Variants in ZNF644 observed in about 807,000 individuals in gnomAD.
ZNF644 encodes the protein zinc finger motif enhancer binding protein 2.
ZNF644 carries 20 observed loss-of-function variants against 108.0 expected under a neutral mutation model. That is an observed-to-expected ratio of 0.19 (90% CI 0.13 to 0.27). The LOEUF (loss-of-function observed/expected upper bound fraction) is 0.27, where lower values mean the gene tolerates loss of function less well. Ranked by LOEUF, ZNF644 falls within the 10% of genes least tolerant of loss-of-function variation. ZNF644 has a pLI of 1.00. For missense variants in ZNF644, 1,338 were observed against 1,548.9 expected (o/e 0.86, Z 2.29); for synonymous variants, 542 against 539.1 (o/e 1.01, Z -0.08).
intron 1 of ZNF644, among the ~76,000 whole-genome samples, chr1:91,008,163 A>G (rs983115452): frequency 1.1e-4 from 16 of 152,210 alleles, no homozygotes; most frequent in Non-Finnish European, 4.4e-5. Flanking sequence ...GTTTTCCAGT[A>G]TGATGCCCTT....
At chr1:91,006,174 G>GA (rs1209200176) in intron 1 of ZNF644, among the ~76,000 whole-genome samples, 1 of 152,140 alleles carries the variant, frequency 6.6e-6, no homozygotes, top group African/African-American at 2.4e-5. Flanking sequence ...CCAAACTGTT[G>GA]AAACTGACTA....
At chr1:90,944,247 T>C (rs2100994939) in intron 2 of ZNF644, among the ~76,000 whole-genome samples, 1 of 152,306 alleles carries the variant, frequency 6.6e-6, no homozygotes, top group African/African-American at 2.4e-5. Context: ...TGACAAACTA[T>C]GAGAACATCA....
chr1:90,974,632 G>A (rs556947330), intron 2 of ZNF644, among the ~76,000 whole-genome samples: 1 of 152,210 alleles, frequency 6.6e-6, no homozygotes, highest in African/African-American at 2.4e-5. Flanking sequence ...CTCTTTTGCT[G>A]TGTAAATCTC....
intron 2 of ZNF644, among the ~76,000 whole-genome samples, chr1:90,942,650 T>TC (rs1338867641): frequency 2.0e-5 from 3 of 152,200 alleles, no homozygotes; most frequent in Non-Finnish European, 4.4e-5. Context: ...ACAGTTTTGT[T>TC]CCTATGAAAT....
chr1:91,016,271 T>C (rs957366464), intron 1 of ZNF644, among the ~76,000 whole-genome samples: 2 of 148,044 alleles, frequency 1.4e-5, no homozygotes, highest in African/African-American at 5.3e-5. Flanking sequence ...AAGTACTAGT[T>C]TTACAGTCAT....
At chr1:90,932,748 T>C (rs1469211870) in intron 4 of ZNF644, among the ~76,000 whole-genome samples, 1 of 152,122 alleles carries the variant, frequency 6.6e-6, no homozygotes, top group Non-Finnish European at 1.5e-5. Context: ...AAGACATCTG[T>C]ATAGCTCTAC....
At chr1:90,934,046 T>C (rs913952972) in intron 4 of ZNF644, among the ~76,000 whole-genome samples, 2 of 152,350 alleles carry the variant, frequency 1.3e-5, no homozygotes, top group Admixed American at 1.3e-4. Flanking sequence ...CAATAATGAT[T>C]TCCTACTTGT....
intron 1 of ZNF644, among the ~76,000 whole-genome samples, chr1:90,994,647 A>C (rs1243924224): frequency 2.6e-5 from 4 of 152,240 alleles, no homozygotes. Flanking sequence ...AACAGAGTGC[A>C]TTCCCCAACT....
At chr1:90,950,545 T>C (rs1337133850) in intron 2 of ZNF644, among the ~76,000 whole-genome samples, 1 of 151,692 alleles carries the variant, frequency 6.6e-6, no homozygotes, top group African/African-American at 2.4e-5. Context: ...AGTATAGAGA[T>C]ATTCATGAAT....
intron 1 of ZNF644, among the ~76,000 whole-genome samples, chr1:91,006,442 C>T (rs1659426162): frequency 6.6e-6 from 1 of 152,104 alleles, no homozygotes; most frequent in Non-Finnish European, 1.5e-5. Flanking sequence ...GACCAGACTG[C>T]TTCCCTGGAA....
At chr1:91,015,414 A>G (rs1371568839) in intron 1 of ZNF644, among the ~76,000 whole-genome samples, 2 of 152,196 alleles carry the variant, frequency 1.3e-5, no homozygotes, top group African/African-American at 4.8e-5. Context: ...GCTACCTACC[A>G]GCCACTCCTC....
chr1:90,992,161 C>T (rs1657697720), intron 1 of ZNF644, among the ~76,000 whole-genome samples: 4 of 152,106 alleles, frequency 2.6e-5, no homozygotes, highest in Admixed American at 2.6e-4. Flanking sequence ...AGAATACCAA[C>T]AGGCATAAGG....
intron 4 of ZNF644, among the ~76,000 whole-genome samples, chr1:90,919,927 T>A (rs548649660): frequency 6.6e-6 from 1 of 152,092 alleles, no homozygotes; most frequent in Non-Finnish European, 1.5e-5. Context: ...TACTTCATTA[T>A]CCTAGATATA....
intron 4 of ZNF644, among the ~76,000 whole-genome samples, chr1:90,934,759 A>T (rs1168011545): frequency 1.3e-5 from 2 of 152,206 alleles, no homozygotes; most frequent in African/African-American, 4.8e-5. Context: ...TCGCTTGTCA[A>T]CACAAGCCAT....
intron 4 of ZNF644, among the ~76,000 whole-genome samples, chr1:90,930,579 T>C (rs972592857): frequency 1.3e-5 from 2 of 152,188 alleles, no homozygotes; most frequent in African/African-American, 2.4e-5. Flanking sequence ...CTTCAATCTA[T>C]GATAGTGACT....
At chr1:90,961,046 T>C (rs1210324446) in intron 2 of ZNF644, among the ~76,000 whole-genome samples, 2 of 151,718 alleles carry the variant, frequency 1.3e-5, no homozygotes, top group Non-Finnish European at 2.9e-5. Context: ...AAACAGAAAA[T>C]GGTCACAGAT....
chr1:90,921,442 C>T (rs1557541567), intron 4 of ZNF644, among the ~76,000 whole-genome samples: 1 of 152,152 alleles, frequency 6.6e-6, no homozygotes, highest in East Asian at 1.9e-4. Context: ...AACCCACACA[C>T]TCTTTTCTCT....
chr1:90,966,654 G>A (rs1164522727), intron 2 of ZNF644, among the ~76,000 whole-genome samples: 1 of 151,188 alleles, frequency 6.6e-6, no homozygotes, highest in Non-Finnish European at 1.5e-5. Context: ...GGAGGCTGAG[G>A]CAGGAGAATC....
At chr1:91,006,963 A>ATCG (rs1370537206) in intron 1 of ZNF644, among the ~76,000 whole-genome samples, 2 of 152,152 alleles carry the variant, frequency 1.3e-5, no homozygotes, top group Non-Finnish European at 2.9e-5. Context: ...TTTGGAAATA[A>ATCG]CTTTCCTTCA....
Sources: gnomAD v4.1 joint callset for allele counts (sites outside exome capture counted in the v4.1 genomes callset) on GRCh38, gnomAD v4.1.1 for gene constraint, MANE v1.5 for transcripts, NCBI Gene and HGNC (gene_info 2026-07-23, HGNC 2026-07-21) for gene names.